The following ECT2 variants were observed in gnomAD, a reference collection of about 807,000 sequenced individuals.
ECT2 encodes the protein protein ECT2.
In ECT2, 61 loss-of-function variants were observed where a neutral mutation model predicts 116.9. The ratio of observed to expected loss-of-function variants is 0.52; its 90% CI spans 0.42 to 0.65. The LOEUF (loss-of-function observed/expected upper bound fraction) is 0.65, where lower values mean the gene tolerates loss of function less well. Among genes scored for constraint, ECT2 ranks in the 30% least tolerant of loss-of-function variants. The pLI is 0.00. For missense variants in ECT2, 937 were observed against 1,078.7 expected (o/e 0.87, Z 1.84); for synonymous variants, 358 against 346.4 (o/e 1.03, Z -0.37).
intron 12 of ECT2, among the ~76,000 whole-genome samples, chr3:172,768,566 A>T (rs553391922): frequency 6.6e-6 from 1 of 152,348 alleles, no homozygotes; most frequent in Admixed American, 6.5e-5. Flanking sequence ...AAGGAAATTA[A>T]CATTAATACT....
At chr3:172,797,072 C>T (rs900895104) in intron 18 of ECT2, among the ~76,000 whole-genome samples, 4 of 145,682 alleles carry the variant, frequency 2.7e-5, no homozygotes, top group Non-Finnish European at 6.1e-5. Context: ...CATTCTGTCA[C>T]AGGCTGGAGT....
the ECT2 span, chr3:172,829,201 G>A: frequency 2.6e-6 from 1 of 387,686 alleles, no homozygotes; most frequent in Non-Finnish European, 4.8e-6. Context: ...TTAGCCCTTG[G>A]TCTCGGCGCC....
At chr3:172,776,736 G>A (rs762389641) in intron 14 of ECT2, among the ~76,000 whole-genome samples, 7 of 152,126 alleles carry the variant, frequency 4.6e-5, no homozygotes, top group Non-Finnish European at 1.0e-4. Context: ...GTATGTAGAT[G>A]AATACACCAT....
intron 22 of ECT2, among the ~76,000 whole-genome samples, chr3:172,809,612 T>C (rs1289268528): frequency 6.6e-6 from 1 of 150,680 alleles, no homozygotes; most frequent in African/African-American, 2.4e-5. Flanking sequence ...CACACACACG[T>C]GAAAGATGTA....
chr3:172,815,530 A>G (rs927015080), intron 22 of ECT2, 74 bp from the exon 23 acceptor site: 9 of 903,012 alleles, frequency 1.0e-5, no homozygotes, highest in Admixed American at 2.5e-5. Context: ...CCCATATATA[A>G]ATATGCTTAA....
chr3:172,806,024 C>T, intron 21 of ECT2, 155 bp downstream of exon 21: 2 of 723,604 alleles, frequency 2.8e-6, no homozygotes, highest in Non-Finnish European at 4.3e-6. Context: ...TCTATCCCAT[C>T]TCCATCTCTA....
Position 172,784,731 on chromosome 3 carries a change from G to A in ECT2, c.1753G>A (p.Gly585Arg), listed in dbSNP as rs1723308700. ...GATAAACCAAGCAAAACCAGAATGT[G>A]GACGGCAGAGCCTTGTTGAACTTCT... ...LKINQAKPEC[G>R]RQSLVELLIR... Residue 585 changes from glycine to arginine, a missense_variant, in exon 17 of 25, where the codon GGA (glycine) becomes AGA (arginine). Transcript: ENST00000392692. 6.2e-7 allele frequency: 1 copy of A among 1,613,488 alleles called. No individual in the cohort carries two copies. The highest frequency in any genetic ancestry group is 8.5e-7 in the Non-Finnish European group (1 of 1,179,510).
intron 13 of ECT2, among the ~76,000 whole-genome samples, chr3:172,772,554 T>A (rs1392505275): frequency 3.9e-5 from 6 of 152,190 alleles, no homozygotes; most frequent in Admixed American, 3.9e-4. Flanking sequence ...TGCAAATGCT[T>A]TTTTGTCATT....
At position 172,806,080 on chromosome 3, in the gene ECT2, A is replaced by G. The variant is rs538681279; in HGVS notation, c.2245+211A>G. On this transcript the variant is annotated intron_variant, in intron 21 of 24. Coordinates refer to ENST00000392692, the MANE Select transcript of ECT2 (RefSeq NM_001258315.2). ...TTTTCTCAAATGAAAGTACTATCTC[A>G]ACCTATAGGATACCCTCATCTGTTA... The G allele has an allele frequency of 1.1e-5, 5 of 459,168 alleles. No individual in the cohort carries two copies. The East Asian group carries it at 1.8e-4, about 16-fold the overall frequency. 28.4% of individuals were successfully genotyped at this position (459,168 alleles called of 1,614,324 possible).
chr3:172,754,614 G>T lies in ECT2; in HGVS notation c.84G>T (p.Glu28Asp). The T allele has an allele frequency of 6.2e-7, 1 of 1,612,008 alleles. No individual in the cohort carries two copies. The highest frequency in any genetic ancestry group is 8.5e-7 in the Non-Finnish European group (1 of 1,178,726). ...DSSIFDSKVTEISKENLLIGS... is the reference protein window; with the variant it reads ...DSSIFDSKVTDISKENLLIGS... ...CCATTTTTGATTCTAAAGTTACTGA[G>T]ATTTCCAAGGAAAACTTACTTATTG... Residue 28 changes from glutamate (E) to aspartate (D), a missense_variant, in exon 2 of 25, where the codon GAG becomes GAT. Glu to Asp is a conservative substitution (Grantham distance 45). Transcript: ENST00000392692.
intron 12 of ECT2, among the ~76,000 whole-genome samples, chr3:172,765,445 G>A (rs1719184111): frequency 6.6e-6 from 1 of 152,026 alleles, no homozygotes. Context: ...CCTCTTCCCT[G>A]TCAAGCTACC....
rs975573053 is a variant in ECT2 at position 172,820,328 on chromosome 3, G to C, written c.*91G>C. 12 of 815,724 alleles carry C rather than the reference G, an allele frequency of 1.5e-5. No homozygotes were observed. The highest frequency in any genetic ancestry group is 2.8e-5 in the Admixed American group (1 of 35,640). 50.5% of individuals were successfully genotyped at this position (815,724 alleles called of 1,614,324 possible). ...TAAATGGTACTTGTAATTAGCACTT[G>C]GTGAAAGCTGGAAGGAAGATAAATA... On this transcript the variant is annotated 3_prime_UTR_variant, in exon 25 of 25. Transcript: ENST00000392692.
chr3:172,818,719 A>G, intron 24 of ECT2: 1 of 1,288,638 alleles, frequency 7.8e-7, no homozygotes, highest in Non-Finnish European at 1.0e-6. Context: ...TGATTTTTCA[A>G]ATTTCAAAAA....
At chr3:172,766,960 G>C (rs1719520331) in intron 12 of ECT2, among the ~76,000 whole-genome samples, 2 of 152,214 alleles carry the variant, frequency 1.3e-5, no homozygotes, top group African/African-American at 4.8e-5. Context: ...TATTTTAGGT[G>C]CTCTGTAAAA....
intron 14 of ECT2, among the ~76,000 whole-genome samples, chr3:172,777,604 A>G (rs1721976053): frequency 6.6e-6 from 1 of 151,916 alleles, no homozygotes; most frequent in African/African-American, 2.4e-5. Flanking sequence ...TTGATGTACA[A>G]TTTTCTGCTC....
rs755043861 is a variant in ECT2 at position 172,764,281 on chromosome 3, A to G, written c.1072A>G (p.Asn358Asp). Residue 358 changes from asparagine to aspartate, a missense_variant, in exon 12 of 25, where the codon AAT (asparagine) becomes GAT (aspartate). Transcript: ENST00000392692. ...GCTTGTGTGCTTTTGATTACAGGCA[A>G]ATACTCCTGAGCTCAAGAAATCAGT... Reference protein sequence around the residue: ...GETMYLYEKANTPELKKSVSM... With the variant: ...GETMYLYEKADTPELKKSVSM... 2.5e-6 allele frequency: 4 copies of G among 1,613,862 alleles called. No homozygotes were observed. The highest frequency in any genetic ancestry group is 2.2e-5 in the South Asian group (2 of 91,072).
Position 172,761,614 on chromosome 3 carries a change from C to G in ECT2, c.689C>G (p.Ala230Gly). ...NCTQGEKFRV[A>G]VSLGTPIMKP... ...CTGTAATGTTTATATTTTTAGGTTG[C>G]TGTGAGTCTAGGTACTCCAATTATG... is the stretch of plus-strand genomic sequence containing the variant. The change falls in exon 8 of 25, where the codon GCT (alanine) becomes GGT (glycine). Residue 230 changes from alanine to glycine, a missense_variant. By Grantham distance (60) the Ala-to-Gly change is moderately conservative. Coordinates refer to ENST00000392692, the MANE Select transcript of ECT2 (RefSeq NM_001258315.2). The G allele has an allele frequency of 6.2e-7, 1 of 1,606,614 alleles. No individual in the cohort carries two copies. Among genetic ancestry groups the G allele is most frequent in the Non-Finnish European group, 8.5e-7 (1 of 1,174,496 alleles).
intron 22 of ECT2, among the ~76,000 whole-genome samples, chr3:172,809,246 C>G (rs189886319): frequency 6.6e-6 from 1 of 151,906 alleles, no homozygotes; most frequent in South Asian, 2.1e-4. Flanking sequence ...GAAACATTAA[C>G]AGAAAATTTT....
At position 172,762,700 on chromosome 3, in the gene ECT2, A is replaced by G; in HGVS notation, c.899A>G (p.Tyr300Cys). The G allele has an allele frequency of 1.2e-6, 2 of 1,609,560 alleles. No homozygotes were observed. Among genetic ancestry groups the G allele is most frequent in the Non-Finnish European group, 1.7e-6 (2 of 1,178,646 alleles). The part of the protein sequence containing the change: ...EEMTEMQGGK[Y>C]LPLGDERCTH... ...GTGCATTCCTTTTTAGGAGGTAAAT[A>G]TTTACCGCTTGGAGATGAAAGATGC... The change falls in exon 10 of 25, where the codon TAT (tyrosine) becomes TGT (cysteine). Residue 300 changes from tyrosine to cysteine, a missense_variant. Coordinates refer to ENST00000392692, the MANE Select transcript of ECT2 (RefSeq NM_001258315.2).
Sources: gnomAD v4.1 joint callset for allele counts (sites outside exome capture counted in the v4.1 genomes callset) on GRCh38, gnomAD v4.1.1 for gene constraint, MANE v1.5 for transcripts, NCBI Gene and HGNC (gene_info 2026-07-23, HGNC 2026-07-21) for gene names.